The following SMOC2 variants were observed in gnomAD, a reference collection of about 807,000 sequenced individuals.
SMOC2 encodes the protein SPARC related modular calcium binding 2.
Under a neutral mutation model 61.4 loss-of-function variants are expected in SMOC2, and 39 were observed. That is an observed-to-expected ratio of 0.64 (90% CI 0.49 to 0.83). The LOEUF is 0.83. Ranked by LOEUF, SMOC2 falls within the 40% of genes least tolerant of loss-of-function variation. The pLI, the probability that SMOC2 is intolerant of heterozygous loss-of-function variation, is 0.00. For synonymous variants in SMOC2, 247 were observed against 239.9 expected (o/e 1.03, Z -0.27); for missense variants, 556 against 592.9 (o/e 0.94, Z 0.65).
intron 9 of SMOC2, among the ~76,000 whole-genome samples, chr6:168,624,065 C>T (rs2115236203): frequency 6.6e-6 from 1 of 152,312 alleles, no homozygotes; most frequent in Non-Finnish European, 1.5e-5. Context: ...CCCACAGGGC[C>T]GTTCTTAGGA....
intron 1 of SMOC2, among the ~76,000 whole-genome samples, chr6:168,494,968 G>C (rs1329860693): frequency 6.6e-6 from 1 of 152,160 alleles, no homozygotes; most frequent in African/African-American, 2.4e-5. Context: ...TGCTCACCTC[G>C]CTCGGCCTTG....
intron 1 of SMOC2, among the ~76,000 whole-genome samples, chr6:168,509,057 T>A (rs1446903294): frequency 8.1e-6 from 1 of 123,552 alleles, no homozygotes; most frequent in Non-Finnish European, 1.6e-5. Flanking sequence ...CGGGACTAGT[T>A]GGCCGGTCAG....
At chr6:168,448,977 G>A (rs1781398350) in intron 1 of SMOC2, among the ~76,000 whole-genome samples, 1 of 151,992 alleles carries the variant, frequency 6.6e-6, no homozygotes, top group South Asian at 2.1e-4. Flanking sequence ...TGGTGTTGTG[G>A]GTCTAATGTG....
At chr6:168,519,052 C>T (rs1783251332) in intron 2 of SMOC2, among the ~76,000 whole-genome samples, 1 of 139,984 alleles carries the variant, frequency 7.1e-6, no homozygotes, top group Non-Finnish European at 1.5e-5. Context: ...CATGTGTGAG[C>T]ATGCATATGT....
intron 7 of SMOC2, among the ~76,000 whole-genome samples, chr6:168,551,633 T>A (rs1784132972): frequency 6.6e-6 from 1 of 152,072 alleles, no homozygotes; most frequent in African/African-American, 2.4e-5. Flanking sequence ...TTTGTATTTC[T>A]AGTAGAGACA....
At chr6:168,526,898 C>A (rs377222877) in intron 3 of SMOC2, among the ~76,000 whole-genome samples, 2 of 152,158 alleles carry the variant, frequency 1.3e-5, no homozygotes, top group African/African-American at 4.8e-5. Flanking sequence ...AGACATGGAG[C>A]TGAGCCAAGT....
intron 9 of SMOC2, among the ~76,000 whole-genome samples, chr6:168,620,391 A>C (rs1169826401): frequency 6.6e-6 from 1 of 152,146 alleles, no homozygotes; most frequent in Non-Finnish European, 1.5e-5. Flanking sequence ...GGGAGATGCA[A>C]GTCAATAGAG....
intron 8 of SMOC2, among the ~76,000 whole-genome samples, chr6:168,602,350 T>C (rs1245213277): frequency 6.6e-6 from 1 of 152,180 alleles, no homozygotes; most frequent in Non-Finnish European, 1.5e-5. Context: ...TGTTCTGCCG[T>C]CTTCTTCTTC....
intron 7 of SMOC2, among the ~76,000 whole-genome samples, chr6:168,564,912 C>T (rs776471318): frequency 3.0e-4 from 45 of 152,292 alleles, no homozygotes; most frequent in Admixed American, 5.9e-4. Context: ...TGAAGTTAAT[C>T]CCACTGGGTA....
At chr6:168,624,678 A>G (rs1786345841) in intron 9 of SMOC2, among the ~76,000 whole-genome samples, 1 of 152,044 alleles carries the variant, frequency 6.6e-6, no homozygotes, top group Non-Finnish European at 1.5e-5. Flanking sequence ...ACACACTGAC[A>G]TAAACACACA....
intron 1 of SMOC2, among the ~76,000 whole-genome samples, chr6:168,486,410 C>G (rs1782339538): frequency 6.6e-6 from 1 of 152,056 alleles, no homozygotes; most frequent in South Asian, 2.1e-4. Flanking sequence ...CCCACACATT[C>G]CCTTGTGCAA....
intron 7 of SMOC2, among the ~76,000 whole-genome samples, chr6:168,558,864 T>C (rs1562346804): frequency 1.9e-5 from 2 of 106,834 alleles, no homozygotes; most frequent in African/African-American, 1.3e-4. Context: ...TGTGCGCATG[T>C]GTGTGCATGT....
At chr6:168,520,139 G>A (rs1362659377) in intron 2 of SMOC2, among the ~76,000 whole-genome samples, 1 of 152,148 alleles carries the variant, frequency 6.6e-6, no homozygotes. Flanking sequence ...GACCACTGGG[G>A]TTGGGGGCGC....
chr6:168,541,031 C>T lies in SMOC2; in HGVS notation c.464-2594C>T, dbSNP rs147626076. The stretch of plus-strand genomic sequence containing the variant: ...CTGTTCTGGTAACACGTTGTTAAGG[C>T]TGAGAGCGGCTGGATTTGAACCAAG... On this transcript the variant is annotated intron_variant, in intron 4 of 12. Coordinates refer to ENST00000356284, the MANE Select transcript of SMOC2 (RefSeq NM_001166412.2). Among the ~76,000 whole-genome samples, 469 of 152,364 alleles carry T rather than the reference C, an allele frequency of 3.1e-3. 12 individuals are homozygous for T. The highest frequency in any genetic ancestry group is 6.8e-3 in the Middle Eastern group (2 of 294).
At chr6:168,664,922 CA>C (rs1787622249) in intron 12 of SMOC2, 1 of 425,250 alleles carries the variant, frequency 2.4e-6, no homozygotes, top group African/African-American at 2.0e-5. Flanking sequence ...GCCAGGTCGA[CA>C]TTTCCTAAGG....
intron 9 of SMOC2, among the ~76,000 whole-genome samples, chr6:168,643,407 C>T (rs1283700909): frequency 4.6e-5 from 7 of 152,186 alleles, no homozygotes; most frequent in Admixed American, 4.6e-4. Context: ...CTTCCTGCCC[C>T]ACTCGACACA....
chr6:168,646,125 C>T (rs553247313), intron 9 of SMOC2, among the ~76,000 whole-genome samples: 1 of 152,230 alleles, frequency 6.6e-6, no homozygotes, highest in Admixed American at 6.5e-5. Flanking sequence ...ATACTTAAAA[C>T]CAGAGGAATG....
intron 1 of SMOC2, among the ~76,000 whole-genome samples, chr6:168,471,924 T>C (rs535970395): frequency 6.6e-6 from 1 of 152,384 alleles, no homozygotes; most frequent in African/African-American, 2.4e-5. Flanking sequence ...CTTGTATAAG[T>C]TCTTTGCATA....
chr6:168,449,009 T>C (rs1781399053), intron 1 of SMOC2, among the ~76,000 whole-genome samples: 1 of 152,174 alleles, frequency 6.6e-6, no homozygotes, highest in Non-Finnish European at 1.5e-5. Context: ...CTAACCCCCA[T>C]GTTCAGTTTT....
Sources: gnomAD v4.1 joint callset for allele counts (sites outside exome capture counted in the v4.1 genomes callset) on GRCh38, gnomAD v4.1.1 for gene constraint, MANE v1.5 for transcripts, NCBI Gene and HGNC (gene_info 2026-07-23, HGNC 2026-07-21) for gene names.